Variants in SDK1 observed in about 807,000 individuals in gnomAD.
SDK1 encodes protein sidekick-1.
Under a neutral mutation model 245.5 loss-of-function variants are expected in SDK1, and 157 were observed. The ratio of observed to expected loss-of-function variants is 0.64; its 90% CI spans 0.56 to 0.73. The LOEUF (loss-of-function observed/expected upper bound fraction) is 0.73. SDK1 is among the 30% of genes least tolerant of loss of function. The probability of loss-of-function intolerance (pLI) is 0.00; values close to 1 mark genes in which losing one functional copy is unlikely to be tolerated. For missense variants in SDK1, 3,583 were observed against 3,002.3 expected, an observed-to-expected ratio of 1.19 and a Z score of -4.52; for synonymous variants, 1,647 against 1,278.5, an observed-to-expected ratio of 1.29 and a Z score of -6.15.
At position 3,924,465 on chromosome 7, in the gene SDK1, C is replaced by T. The variant is rs917709569; in HGVS notation, c.848-26458C>T. ...GTCGTGGTGACGGGGTGTGATCTCC[C>T]CCACCCCTGCTGCACCCAGAGCTGT... On this transcript the variant is annotated intron_variant, in intron 5 of 44. Transcript: ENST00000404826. Among the ~76,000 whole-genome samples the T allele has an allele frequency of 6.6e-5, 10 of 152,264 alleles. No homozygotes were observed. The South Asian group carries it at 1.9e-3, about 28-fold the overall frequency.
chr7:3,599,678 G>C (rs1235803917), intron 1 of SDK1, among the ~76,000 whole-genome samples: 1 of 152,066 alleles, frequency 6.6e-6, no homozygotes, highest in Non-Finnish European at 1.5e-5. Flanking sequence ...TTGCCTTCTA[G>C]GTATTCAATT....
intron 19 of SDK1, 147 bp from the exon 20 acceptor site, chr7:4,067,688 CCTT>C (rs1779990868): frequency 5.1e-6 from 3 of 589,598 alleles, no homozygotes; most frequent in African/African-American, 1.9e-5. Flanking sequence ...TGAACACCCT[CCTT>C]CTTTCTGCAT....
intron 4 of SDK1, among the ~76,000 whole-genome samples, chr7:3,774,834 A>G (rs1198628839): frequency 1.3e-5 from 2 of 152,232 alleles, no homozygotes; most frequent in South Asian, 2.1e-4. Flanking sequence ...CCAGACAACC[A>G]TGATCCTACA....
intron 19 of SDK1, among the ~76,000 whole-genome samples, chr7:4,064,126 AAC>A (rs1406626877): frequency 6.6e-6 from 1 of 152,244 alleles, no homozygotes; most frequent in Admixed American, 6.5e-5. Context: ...GGAAATGGTA[AAC>A]AGAGTGAAGA....
chr7:3,442,786 G>T (rs552708121), intron 1 of SDK1, among the ~76,000 whole-genome samples: 1 of 152,154 alleles, frequency 6.6e-6, no homozygotes, highest in African/African-American at 2.4e-5. Context: ...CTTGTTGCCA[G>T]TGACTACCTG....
At chr7:3,926,520 G>A (rs1779774587) in intron 5 of SDK1, among the ~76,000 whole-genome samples, 1 of 152,096 alleles carries the variant, frequency 6.6e-6, no homozygotes, top group Non-Finnish European at 1.5e-5. Flanking sequence ...GAGTGCAGTG[G>A]TGTGATCTCG....
chr7:3,781,973 G>GA (rs1427992011), intron 4 of SDK1, among the ~76,000 whole-genome samples: 1 of 152,140 alleles, frequency 6.6e-6, no homozygotes, highest in Non-Finnish European at 1.5e-5. Flanking sequence ...ACAGCAGAGA[G>GA]AAAAAAGCAC....
At chr7:3,753,306 T>C (rs894755281) in intron 4 of SDK1, among the ~76,000 whole-genome samples, 1 of 152,214 alleles carries the variant, frequency 6.6e-6, no homozygotes, top group Non-Finnish European at 1.5e-5. Context: ...CATTAATTCC[T>C]TACTGTAAAA....
intron 5 of SDK1, among the ~76,000 whole-genome samples, chr7:3,929,681 G>A (rs2128116782): frequency 6.6e-6 from 1 of 152,246 alleles, no homozygotes; most frequent in Middle Eastern, 3.4e-3. Flanking sequence ...AGAGTGATAG[G>A]GAGTGTTTTG....
chr7:3,872,393 C>G (rs180733058), intron 5 of SDK1, among the ~76,000 whole-genome samples: 1 of 152,156 alleles, frequency 6.6e-6, no homozygotes, highest in Non-Finnish European at 1.5e-5. Context: ...TAACTAGTGA[C>G]ACTGAGTCTG....
At chr7:4,122,266 A>G (rs937459721) in intron 25 of SDK1, among the ~76,000 whole-genome samples, 2 of 152,098 alleles carry the variant, frequency 1.3e-5, no homozygotes, top group African/African-American at 4.8e-5. Flanking sequence ...CCCTACTAAC[A>G]TCTGAAACTT....
chr7:3,528,371 A>T (rs1472028211), intron 1 of SDK1, among the ~76,000 whole-genome samples: 1 of 151,460 alleles, frequency 6.6e-6, no homozygotes, highest in African/African-American at 2.4e-5. Context: ...GCTGGGTGTC[A>T]GCTAGGGGGT....
At chr7:3,695,014 G>T (rs567913860) in intron 4 of SDK1, among the ~76,000 whole-genome samples, 3 of 152,180 alleles carry the variant, frequency 2.0e-5, no homozygotes, top group Non-Finnish European at 4.4e-5. Context: ...TTCCCAGAAA[G>T]CAGGTATAAA....
chr7:3,875,024 T>G (rs1316874826), intron 5 of SDK1, among the ~76,000 whole-genome samples: 1 of 152,136 alleles, frequency 6.6e-6, no homozygotes, highest in East Asian at 1.9e-4. Flanking sequence ...TATGTCCTGG[T>G]CTGTGGGGCT....
At chr7:3,962,083 A>G (rs1270643624) in intron 8 of SDK1, among the ~76,000 whole-genome samples, 1 of 152,174 alleles carries the variant, frequency 6.6e-6, no homozygotes, top group East Asian at 1.9e-4. Context: ...ACATGCACAT[A>G]CATATACACA....
chr7:3,671,681 A>C (rs750821), intron 4 of SDK1, among the ~76,000 whole-genome samples: 1 of 152,024 alleles, frequency 6.6e-6, no homozygotes, highest in Non-Finnish European at 1.5e-5. Flanking sequence ...AACACTTTTC[A>C]TTGTAGATGT....
intron 1 of SDK1, among the ~76,000 whole-genome samples, chr7:3,494,713 T>G (rs574294582): frequency 1.7e-4 from 26 of 152,238 alleles, no homozygotes; most frequent in Non-Finnish European, 3.1e-4. Flanking sequence ...AACACTGAAG[T>G]GGTTCCAATT....
intron 5 of SDK1, among the ~76,000 whole-genome samples, chr7:3,845,085 G>T (rs1192187966): frequency 2.0e-5 from 3 of 152,208 alleles, no homozygotes; most frequent in African/African-American, 7.2e-5. Flanking sequence ...GCTTCGGAGA[G>T]CGGAGGTCGC....
At position 4,221,278 on chromosome 7, in the gene SDK1, C is replaced by T. The variant is rs975874223; in HGVS notation, c.5741C>T (p.Ser1914Phe). The T allele has an allele frequency of 6.2e-7, 1 of 1,613,928 alleles. No homozygotes were observed. Among genetic ancestry groups the T allele is most frequent in the Middle Eastern group, 1.7e-4 (1 of 6,060 alleles). The change falls in exon 40 of 45, where the codon TCC becomes TTC. Residue 1914 changes from serine to phenylalanine, a missense_variant. By Grantham distance (155) the Ser-to-Phe change is radical. Coordinates refer to ENST00000404826, the MANE Select transcript of SDK1 (RefSeq NM_152744.4). ...CCTAGAGATGTCCTGGTCACCAAGT[C>T]CGCCTCTGAACTGACGCTGCAGTGG... ...GSPRDVLVTK[S>F]ASELTLQWTE...
Sources: gnomAD v4.1 joint callset for allele counts (sites outside exome capture counted in the v4.1 genomes callset) on GRCh38, gnomAD v4.1.1 for gene constraint, MANE v1.5 for transcripts, NCBI Gene and HGNC (gene_info 2026-07-23, HGNC 2026-07-21) for gene names.